The following THRA variants were observed in gnomAD, a reference collection of about 807,000 sequenced individuals.
THRA encodes EAR-7.
THRA carries 13 observed loss-of-function variants against 45.0 expected under a neutral mutation model. The observed-to-expected ratio is 0.29, with a 90% CI of 0.19 to 0.46. THRA has a LOEUF of 0.46. THRA is among the 20% of genes least tolerant of loss of function. The pLI is 1.00. For missense variants in THRA, 278 were observed against 556.1 expected, an observed-to-expected ratio of 0.50 and a Z score of 5.03; for synonymous variants, 195 against 214.0, an observed-to-expected ratio of 0.91 and a Z score of 0.78.
intron 1 of THRA, among the ~76,000 whole-genome samples, chr17:40,072,572 C>A (rs1048410295): frequency 6.6e-6 from 1 of 152,104 alleles, no homozygotes; most frequent in Non-Finnish European, 1.5e-5. Flanking sequence ...CACCCAGACC[C>A]GGAGAGAGAG....
rs775052494 is a variant in THRA, at chr17:40,089,238, G to A, written c.1015G>A (p.Glu339Lys). 2 of 1,613,964 alleles carry A rather than the reference G, an allele frequency of 1.2e-6. No individual in the cohort carries two copies. Among genetic ancestry groups the A allele is most frequent in the Non-Finnish European group, 1.7e-6 (2 of 1,180,000 alleles). Residue 339 changes from glutamate (E) to lysine (K), a missense_variant, in exon 9 of 9, where the codon GAG (glutamate) becomes AAG (lysine). Coordinates refer to ENST00000450525, the MANE Select transcript of THRA (RefSeq NM_199334.5). The surrounding 1 kb of genome is among the most constrained non-coding windows in gnomAD (Gnocchi z 6.1). ...RSGLLCVDKI[E>K]KSQEAYLLAF... ...GGGCCTGCTGTGTGTGGACAAGATC[G>A]AGAAGAGTCAGGAGGCGTACCTGCT...
intron 2 of THRA, among the ~76,000 whole-genome samples, chr17:40,074,842 C>T (rs1465243357): frequency 6.6e-6 from 1 of 152,246 alleles, no homozygotes; most frequent in Non-Finnish European, 1.5e-5. Context: ...TCCACCATTG[C>T]TGCCCTTACC....
At chr17:40,082,082 G>A (rs566363862) in intron 4 of THRA, among the ~76,000 whole-genome samples, 4 of 151,796 alleles carry the variant, frequency 2.6e-5, no homozygotes, top group Non-Finnish European at 5.9e-5. Context: ...TGACTTTTTT[G>A]GTTCCCCTGT....
chr17:40,086,912 G>A (rs1182056741), intron 7 of THRA, 59 bp downstream of exon 7: 50 of 1,604,050 alleles, frequency 3.1e-5, no homozygotes, highest in Admixed American at 5.0e-5. Context: ...CTGCTCCCCC[G>A]GTCACCCAGT....
chr17:40,076,536 A>G (rs143269935), intron 2 of THRA, among the ~76,000 whole-genome samples: 2 of 152,342 alleles, frequency 1.3e-5, no homozygotes, highest in Non-Finnish European at 2.9e-5. Context: ...AGCTTTAAGC[A>G]TATCCTGAGA....
chr17:40,084,596 C>T lies in THRA; in HGVS notation c.371-14C>T. The T allele has an allele frequency of 6.2e-7, 1 of 1,613,490 alleles. No individual in the cohort carries two copies. The highest frequency in any genetic ancestry group is 8.5e-7 in the Non-Finnish European group (1 of 1,179,588). ...GGGTGCCATGCGTTAGACCTTGTGCCTCTCTGTTCACAGTGGTTCTAGATG... is the reference window on the plus strand; with the variant it reads ...GGGTGCCATGCGTTAGACCTTGTGCTTCTCTGTTCACAGTGGTTCTAGATG... On this transcript the variant is annotated splice_polypyrimidine_tract_variant and intron_variant, in intron 5 of 8. Coordinates refer to ENST00000450525, the MANE Select transcript of THRA (RefSeq NM_199334.5).
At chr17:40,093,469 C>CT, downstream of THRA, 1 of 1,490,998 alleles carries the variant, frequency 6.7e-7, no homozygotes, top group South Asian at 1.3e-5. This position sits in a 1 kb window ranked among gnomAD's most constrained non-coding sequence, Gnocchi z 5.9. Flanking sequence ...TGCCTGAAAG[C>CT]TGGGAGCGTG....
At chr17:40,076,966 C>A in intron 3 of THRA, 28 bp downstream of exon 3, 2 of 1,610,600 alleles carry the variant, frequency 1.2e-6, no homozygotes, top group Non-Finnish European at 1.7e-6. Flanking sequence ...TGCCCCTTCT[C>A]CACGTCCCCA....
chr17:40,093,034 G>A, downstream of THRA: 1 of 1,613,360 alleles, frequency 6.2e-7, no homozygotes, highest in African/African-American at 1.3e-5. This position sits in a 1 kb window ranked among gnomAD's most constrained non-coding sequence, Gnocchi z 5.9. Flanking sequence ...GAGAAGTGCA[G>A]AGTTCGATTC....
chr17:40,092,946 A>G lies in THRA; in HGVS notation c.*3490A>G. On this transcript the variant is annotated 3_prime_UTR_variant, in exon 9 of 9. Coordinates refer to ENST00000450525, the MANE Select transcript of THRA (RefSeq NM_199334.5). ...TATTTACAAGAAGGCTCAGGGGGCC[A>G]GAGGCTCATCTTGGAATATTTTATA... is the stretch of plus-strand genomic sequence containing the variant. The G allele has an allele frequency of 6.5e-7, 1 of 1,545,240 alleles. No homozygotes were observed. Among genetic ancestry groups the G allele is most frequent in the Non-Finnish European group, 8.7e-7 (1 of 1,144,532 alleles).
chr17:40,082,933 T>G (rs1987195875), intron 4 of THRA, among the ~76,000 whole-genome samples: 1 of 141,538 alleles, frequency 7.1e-6, no homozygotes, highest in Non-Finnish European at 1.6e-5. Context: ...GCCCGGGTAA[T>G]TTTTTTTTTT....
At chr17:40,068,683 C>T (rs953400734) in intron 1 of THRA, among the ~76,000 whole-genome samples, 3 of 152,154 alleles carry the variant, frequency 2.0e-5, no homozygotes, top group African/African-American at 7.2e-5. Flanking sequence ...TCAGCCATGC[C>T]CCTCAGCAGT....
chr17:40,070,285 A>G (rs546753628), intron 1 of THRA, among the ~76,000 whole-genome samples: 1 of 152,254 alleles, frequency 6.6e-6, no homozygotes, highest in Non-Finnish European at 1.5e-5. Flanking sequence ...CCTGCCAAAT[A>G]GTACCTTCCT....
chr17:40,087,531 G>A (rs1402128140), intron 7 of THRA, among the ~76,000 whole-genome samples: 2 of 152,124 alleles, frequency 1.3e-5, no homozygotes, highest in Non-Finnish European at 2.9e-5. Context: ...GCTGCTCTAA[G>A]AAATCAGCCG....
In THRA at chr17:40,088,473, C is replaced by G; in HGVS notation, c.955C>G (p.Leu319Val). The G allele has an allele frequency of 6.2e-7, 1 of 1,613,704 alleles. No homozygotes were observed. Among genetic ancestry groups the G allele is most frequent in the Non-Finnish European group, 8.5e-7 (1 of 1,179,720 alleles). Reference sequence around the variant, plus strand: ...CCTGGATGACACGGAAGTGGCTCTGCTGCAGGCTGTGCTGCTAATGTCAAC... The same window carrying G: ...CCTGGATGACACGGAAGTGGCTCTGGTGCAGGCTGTGCTGCTAATGTCAAC... ...FNLDDTEVAL[L>V]QAVLLMSTDR... Residue 319 changes from leucine (L) to valine (V), a missense_variant, in exon 8 of 9, where the codon CTG (leucine) becomes GTG (valine). Leu to Val is a conservative substitution (Grantham distance 32). Transcript: ENST00000450525.
intron 1 of THRA, chr17:40,069,103 T>C (rs867602294): frequency 5.3e-5 from 7 of 131,780 alleles, no homozygotes; most frequent in African/African-American, 8.6e-5. Context: ...TCCCTCTCTC[T>C]CTCCCTCCCT....
chr17:40,089,081 C>A lies in THRA; in HGVS notation c.983-125C>A. 3.3e-6 allele frequency: 3 copies of A among 902,344 alleles called. No individual in the cohort carries two copies. The highest frequency in any genetic ancestry group is 3.3e-5 in the African/African-American group (2 of 59,914). 55.9% of individuals were successfully genotyped at this position (902,344 alleles called of 1,614,324 possible). ...CTCTCAGGGGGAGCTTCTCCCCTCC[C>A]CTCCCCCAGCCTCTCTGCCTCTATC... On this transcript the variant is annotated intron_variant, in intron 8 of 8. Transcript: ENST00000450525. The surrounding 1 kb of genome is among the most constrained non-coding windows in gnomAD (Gnocchi z 6.1).
chr17:40,074,232 G>C lies in THRA; in HGVS notation c.-257G>C. On this transcript the variant is annotated 5_prime_UTR_variant, in exon 2 of 9. Coordinates refer to ENST00000450525, the MANE Select transcript of THRA (RefSeq NM_199334.5). ...ACAAGACTCCGAAGCTACTCCCCCA[G>C]CACACAGCCCGGGACCCACAAACCC... The C allele has an allele frequency of 1.9e-6, 1 of 525,740 alleles. No individual in the cohort carries two copies. Among genetic ancestry groups the C allele is most frequent in the South Asian group, 2.0e-5 (1 of 49,368 alleles). The allele number at this position is 525,740 out of a possible 1,614,324, so 32.6% of individuals were successfully genotyped here.
intron 7 of THRA, among the ~76,000 whole-genome samples, chr17:40,087,505 C>T (rs1169282719): frequency 6.6e-6 from 1 of 152,126 alleles, no homozygotes; most frequent in Non-Finnish European, 1.5e-5. Flanking sequence ...AGCATACAGA[C>T]ACACGCCAAG....
Sources: gnomAD v4.1 joint callset for allele counts (sites outside exome capture counted in the v4.1 genomes callset) on GRCh38, gnomAD v4.1.1 for gene constraint, Gnocchi (gnomAD v3.1) non-coding constraint, MANE v1.5 for transcripts, NCBI Gene and HGNC (gene_info 2026-07-23, HGNC 2026-07-21) for gene names.